ACVR2A: variants seen among roughly 807,000 people sequenced by gnomAD.
ACVR2A encodes the protein activin A receptor type 2A, also known as activin receptor type-2A.
ACVR2A carries 7 observed loss-of-function variants against 61.4 expected under a neutral mutation model. That is an observed-to-expected ratio of 0.11 (90% CI 0.06 to 0.21). ACVR2A has a LOEUF of 0.21. Ranked by LOEUF, ACVR2A falls within the 10% of genes least tolerant of loss-of-function variation. The pLI, the probability that ACVR2A is intolerant of heterozygous loss-of-function variation, is 1.00. For synonymous variants in ACVR2A, 193 were observed against 208.3 expected (o/e 0.93, Z 0.63); for missense variants, 322 against 621.7 (o/e 0.52, Z 5.13).
intron 2 of ACVR2A, 44 bp downstream of exon 2, chr2:147,896,552 C>T: frequency 6.4e-7 from 1 of 1,559,968 alleles, no homozygotes; most frequent in Admixed American, 1.7e-5. Flanking sequence ...GAGTAATTTT[C>T]ACACTTCCCC....
chr2:147,908,109 A>G lies in ACVR2A; in HGVS notation c.529-7082A>G, dbSNP rs912615023. Among the ~76,000 whole-genome samples, 4 of 151,968 alleles carry G rather than the reference A, an allele frequency of 2.6e-5. No individual in the cohort carries two copies. In the South Asian group the frequency reaches 8.3e-4, roughly 31 times the overall value. On this transcript the variant is annotated intron_variant, in intron 4 of 10. Coordinates refer to ENST00000241416, the MANE Select transcript of ACVR2A (RefSeq NM_001616.5). ...ATAAAGAGATCAAAGTATATAAACTACATTTAAAATAGTTTTCATAGTGAC... is the reference window on the plus strand; with the variant it reads ...ATAAAGAGATCAAAGTATATAAACTGCATTTAAAATAGTTTTCATAGTGAC...
At chr2:147,863,934 T>A (rs1473165644) in intron 1 of ACVR2A, among the ~76,000 whole-genome samples, 2 of 152,204 alleles carry the variant, frequency 1.3e-5, no homozygotes, top group African/African-American at 4.8e-5. Flanking sequence ...CTTAAAATGA[T>A]TATACCTTGA....
intron 1 of ACVR2A, 32 bp from the exon 2 acceptor site, chr2:147,896,269 G>A (rs764025669): frequency 1.1e-5 from 17 of 1,548,120 alleles, no homozygotes; most frequent in African/African-American, 1.4e-5. Flanking sequence ...AACAGATAAT[G>A]TGGTTATATT....
chr2:147,890,458 CTT>C (rs1394071196), intron 1 of ACVR2A, among the ~76,000 whole-genome samples: 2 of 151,672 alleles, frequency 1.3e-5, no homozygotes, highest in African/African-American at 4.8e-5. Flanking sequence ...TCAAAATAAA[CTT>C]TTCAGCTCCC....
chr2:147,848,737 A>G (rs1388675100), intron 1 of ACVR2A, among the ~76,000 whole-genome samples: 1 of 152,154 alleles, frequency 6.6e-6, no homozygotes, highest in African/African-American at 2.4e-5. Context: ...TAATGAAGTA[A>G]TCTGCACAGC....
chr2:147,886,516 T>C (rs1686435722), intron 1 of ACVR2A, among the ~76,000 whole-genome samples: 1 of 152,196 alleles, frequency 6.6e-6, no homozygotes, highest in Non-Finnish European at 1.5e-5. Flanking sequence ...ATTGGTTGCA[T>C]ACATAGGAGA....
chr2:147,902,150 A>C (rs1686884991), intron 4 of ACVR2A, among the ~76,000 whole-genome samples: 1 of 151,956 alleles, frequency 6.6e-6, no homozygotes, highest in South Asian at 2.1e-4. Flanking sequence ...AAAAATACAA[A>C]TTTTGGGACC....
At chr2:147,898,045 C>G (rs1001885476) in intron 2 of ACVR2A, among the ~76,000 whole-genome samples, 5 of 152,106 alleles carry the variant, frequency 3.3e-5, no homozygotes, top group African/African-American at 4.8e-5. Flanking sequence ...AGACAATACT[C>G]CAGCTATGTG....
chr2:147,891,178 C>T (rs1030284699), intron 1 of ACVR2A, among the ~76,000 whole-genome samples: 5 of 152,220 alleles, frequency 3.3e-5, no homozygotes, highest in Admixed American at 2.6e-4. Context: ...CCATTACTAA[C>T]GCTGATTGGA....
intron 4 of ACVR2A, among the ~76,000 whole-genome samples, chr2:147,910,907 T>G (rs988386568): frequency 1.3e-5 from 2 of 152,276 alleles, no homozygotes; most frequent in South Asian, 4.1e-4. Context: ...TTTTCCTGTC[T>G]TAGTTTCTTG....
chr2:147,922,034 G>A (rs1358258999), intron 8 of ACVR2A, among the ~76,000 whole-genome samples: 2 of 152,068 alleles, frequency 1.3e-5, no homozygotes, highest in East Asian at 1.9e-4. Context: ...AATAAAAGAG[G>A]TAGGTACCTT....
rs148618849 is a variant in ACVR2A at position 147,900,288 on chromosome 2, G to A, written c.528+390G>A. ...TCTGTGCCTTTTTCAAGACCACTTGGCAAAACATTTTATCCATGGGGATAG... is the reference window on the plus strand; with the variant it reads ...TCTGTGCCTTTTTCAAGACCACTTGACAAAACATTTTATCCATGGGGATAG... On this transcript the variant is annotated intron_variant, in intron 4 of 10. Coordinates refer to ENST00000241416, the MANE Select transcript of ACVR2A (RefSeq NM_001616.5). 1.6e-4 allele frequency: 25 copies of A among 159,012 alleles called. No individual in the cohort carries two copies. The East Asian group carries it at 3.2e-3, about 20-fold the overall frequency. The allele number at this position is 159,012 out of a possible 1,614,324, so 9.9% of individuals were successfully genotyped here.
At chr2:147,877,349 T>C (rs1415274898) in intron 1 of ACVR2A, 2 of 152,170 alleles carry the variant, frequency 1.3e-5, no homozygotes, top group African/African-American at 4.8e-5. Flanking sequence ...AATGGGGGAA[T>C]GACATTCAGG....
chr2:147,896,586 G>A, intron 2 of ACVR2A, 78 bp downstream of exon 2: 2 of 1,374,012 alleles, frequency 1.5e-6, no homozygotes, highest in Non-Finnish European at 1.0e-6. Context: ...GGAAAGATCA[G>A]TGCATAAATT....
intron 4 of ACVR2A, among the ~76,000 whole-genome samples, chr2:147,905,635 C>T (rs1166953253): frequency 6.6e-6 from 1 of 151,746 alleles, no homozygotes; most frequent in Non-Finnish European, 1.5e-5. Flanking sequence ...CTGTGTCCTA[C>T]CTTGGTGTGT....
chr2:147,859,752 T>G (rs1388226153), intron 1 of ACVR2A, among the ~76,000 whole-genome samples: 2 of 151,376 alleles, frequency 1.3e-5, no homozygotes, highest in African/African-American at 4.8e-5. Flanking sequence ...AGTCTCTTGA[T>G]TTCTTGCTAC....
chr2:147,901,583 AT>A (rs746030414), intron 4 of ACVR2A, among the ~76,000 whole-genome samples: 1 of 151,932 alleles, frequency 6.6e-6, no homozygotes. Context: ...GGTTTTAGAT[AT>A]TTGTTATGGT....
At chr2:147,883,517 C>A (rs1686360440) in intron 1 of ACVR2A, among the ~76,000 whole-genome samples, 1 of 152,062 alleles carries the variant, frequency 6.6e-6, no homozygotes, top group South Asian at 2.1e-4. Context: ...AGGAAAGAAA[C>A]TACATAATAC....
intron 1 of ACVR2A, among the ~76,000 whole-genome samples, chr2:147,885,774 T>C (rs1399751686): frequency 1.3e-5 from 2 of 152,152 alleles, no homozygotes; most frequent in Non-Finnish European, 2.9e-5. Flanking sequence ...AATAAAGTTA[T>C]TTTGTAAAAT....
Sources: gnomAD v4.1 joint callset for allele counts (sites outside exome capture counted in the v4.1 genomes callset) on GRCh38, gnomAD v4.1.1 for gene constraint, MANE v1.5 for transcripts, NCBI Gene and HGNC (gene_info 2026-07-23, HGNC 2026-07-21) for gene names.